The following NEBL variants were observed in gnomAD, a reference collection of about 807,000 sequenced individuals.
NEBL encodes the protein LIM and SH3 protein 2.
Under a neutral mutation model 140.2 loss-of-function variants are expected in NEBL, and 122 were observed. That is an observed-to-expected ratio of 0.87 (90% CI 0.75 to 1.01). The LOEUF is 1.01. Among genes scored for constraint, NEBL ranks in the 50% least tolerant of loss-of-function variants. NEBL has a pLI of 0.00. For synonymous variants in NEBL, 436 were observed against 398.9 expected (o/e 1.09, Z -1.11); for missense variants, 1,365 against 1,231.3 (o/e 1.11, Z -1.62).
intron 2 of NEBL, among the ~76,000 whole-genome samples, chr10:21,154,189 T>G (rs1589291193): frequency 6.6e-6 from 1 of 152,044 alleles, no homozygotes; most frequent in African/African-American, 2.4e-5. Context: ...CTGGGCACAG[T>G]GGCTCACATC....
intron 26 of NEBL, among the ~76,000 whole-genome samples, chr10:20,789,912 T>C (rs1163861186): frequency 6.7e-6 from 1 of 148,568 alleles, no homozygotes; most frequent in East Asian, 2.1e-4. Context: ...GATATATGTA[T>C]ATATATATGT....
intron 4 of NEBL, among the ~76,000 whole-genome samples, chr10:20,920,908 T>C (rs1833550882): frequency 1.3e-5 from 2 of 152,332 alleles, no homozygotes; most frequent in South Asian, 4.1e-4. Flanking sequence ...CTAAATTTGA[T>C]GTATGATTAG....
At chr10:20,864,893 C>G (rs113627047) in intron 7 of NEBL, among the ~76,000 whole-genome samples, 2,415 of 152,118 alleles carry the variant, frequency 0.016, 59 homozygotes, top group African/African-American at 0.055. Flanking sequence ...GAGTTTTATA[C>G]AGCTTATAAA....
At position 20,782,977 on chromosome 10, in the gene NEBL, T is replaced by A. The variant is rs1835126445; in HGVS notation, c.*2770A>T. On this transcript the variant is annotated 3_prime_UTR_variant, in exon 28 of 28. Coordinates refer to ENST00000377122, the MANE Select transcript of NEBL (RefSeq NM_006393.3). ...TAAAAGTGTATCAAACTGTTCCTTGTGCTTCTGTCAGGCTTGAGAACACAT... is the reference window on the plus strand; with the variant it reads ...TAAAAGTGTATCAAACTGTTCCTTGAGCTTCTGTCAGGCTTGAGAACACAT... The A allele has an allele frequency of 3.3e-5, 5 of 152,668 alleles. No homozygotes were observed. The highest frequency in any genetic ancestry group is 2.6e-4 in the Admixed American group (4 of 15,270). 9.5% of individuals were successfully genotyped at this position (152,668 alleles called of 1,614,324 possible). A position where few individuals can be genotyped will look rare whatever the true frequency, so the allele number is the denominator to read the frequency against.
At chr10:21,096,394 C>A (rs1404428984) in intron 2 of NEBL, among the ~76,000 whole-genome samples, 1 of 151,766 alleles carries the variant, frequency 6.6e-6, no homozygotes, top group Admixed American at 6.6e-5. Context: ...CTTAGATTAG[C>A]CTGAAGAAGT....
intron 2 of NEBL, among the ~76,000 whole-genome samples, chr10:21,169,067 A>AAAAAAAAATAT (rs1554830679): frequency 1.7e-4 from 4 of 23,070 alleles, no homozygotes; most frequent in Non-Finnish European, 3.5e-4. Context: ...AAAAAAAAAA[A>AAAAAAAAATAT]ATATATATAT....
intron 2 of NEBL, among the ~76,000 whole-genome samples, chr10:21,075,658 A>G (rs1836031122): frequency 6.6e-6 from 1 of 151,950 alleles, no homozygotes; most frequent in Non-Finnish European, 1.5e-5. Context: ...ATTTTCCTCA[A>G]CTCTTAGCTT....
intron 2 of NEBL, among the ~76,000 whole-genome samples, chr10:21,062,385 G>GT (rs1221306774): frequency 2.0e-5 from 3 of 152,138 alleles, no homozygotes; most frequent in Non-Finnish European, 4.4e-5. Flanking sequence ...TTCCTGGCTG[G>GT]TGTAGTGGCT....
In NEBL at chr10:20,828,611, C is replaced by T; in HGVS notation, c.1695G>A (p.Glu565=). The T allele has an allele frequency of 6.3e-7, 1 of 1,582,756 alleles. No individual in the cohort carries two copies. Among genetic ancestry groups the T allele is most frequent in the East Asian group, 2.2e-5 (1 of 44,594 alleles). The change falls in exon 17 of 28, where the codon GAG becomes GAA. Residue 565 remains glutamate, a synonymous_variant. Coordinates refer to ENST00000377122, the MANE Select transcript of NEBL (RefSeq NM_006393.3). The stretch of plus-strand genomic sequence containing the variant: ...TGGTAGAATAGTTAGAAAGCATCTT[C>T]TCTGCTTCATCTTTATACTTTCTCT... The part of the protein sequence containing the change: ...YSQRKYKDEA[E]KMLSNYSTIA...
chr10:21,264,186 T>C (rs1842772183), intron 1 of NEBL, among the ~76,000 whole-genome samples: 1 of 152,212 alleles, frequency 6.6e-6, no homozygotes, highest in Admixed American at 6.5e-5. Flanking sequence ...CACTTCACAC[T>C]GTGTCCCCAG....
chr10:20,795,303 T>G (rs1414409379), intron 26 of NEBL, among the ~76,000 whole-genome samples: 1 of 152,168 alleles, frequency 6.6e-6, no homozygotes, highest in Non-Finnish European at 1.5e-5. Flanking sequence ...CTTGTTAGGC[T>G]CATAGAGGTT....
At chr10:20,827,063 T>C (rs958359310) in intron 17 of NEBL, among the ~76,000 whole-genome samples, 3 of 152,136 alleles carry the variant, frequency 2.0e-5, no homozygotes, top group Non-Finnish European at 4.4e-5. Context: ...GTTAACCCTC[T>C]CCCATGTGTC....
intron 2 of NEBL, among the ~76,000 whole-genome samples, chr10:21,045,979 G>A (rs1455141525): frequency 2.0e-5 from 3 of 148,280 alleles, no homozygotes; most frequent in South Asian, 2.2e-4. Flanking sequence ...AGTGCCCGTC[G>A]GCAGATGAAT....
At chr10:21,004,513 G>A (rs958489668) in intron 3 of NEBL, among the ~76,000 whole-genome samples, 2 of 152,156 alleles carry the variant, frequency 1.3e-5, no homozygotes, top group Non-Finnish European at 2.9e-5. Flanking sequence ...GAGGTCAGGA[G>A]ATCGAGACCA....
intron 2 of NEBL, among the ~76,000 whole-genome samples, chr10:21,140,346 A>T (rs906578276): frequency 3.3e-5 from 5 of 152,214 alleles, no homozygotes; most frequent in African/African-American, 1.2e-4. Flanking sequence ...TATACATTTC[A>T]TTTTTAATTT....
chr10:21,098,515 T>C (rs996366338), intron 2 of NEBL, among the ~76,000 whole-genome samples: 1 of 152,220 alleles, frequency 6.6e-6, no homozygotes. Context: ...TGACTTGTTC[T>C]ACCTCCCTTA....
chr10:21,235,456 A>G (rs1248200898), intron 3 of NEBL, among the ~76,000 whole-genome samples: 1 of 152,152 alleles, frequency 6.6e-6, no homozygotes, highest in Admixed American at 6.5e-5. Context: ...CTGGGACTAC[A>G]GGTGCCTGAG....
rs1001767826 is a variant in NEBL, at chr10:20,831,488, G to A, written c.1545C>T (p.Ser515=). ...GCTGTCTTACCTGGCTGGCCATCTCGGATGCTTTCTTAGCTCTCTGGACAT... is the reference window on the plus strand; with the variant it reads ...GCTGTCTTACCTGGCTGGCCATCTCAGATGCTTTCTTAGCTCTCTGGACAT... The part of the protein sequence containing the change: ...TLDVQRAKKA[S]EMASQKQYKK... Residue 515 remains serine, a synonymous_variant, in exon 15 of 28, where the codon TCC becomes TCT. Transcript: ENST00000377122. 27 of 1,609,090 alleles carry A rather than the reference G, an allele frequency of 1.7e-5. No homozygotes were observed. The highest frequency in any genetic ancestry group is 2.7e-5 in the African/African-American group (2 of 74,202).
At chr10:21,110,128 C>G (rs527684501) in intron 2 of NEBL, among the ~76,000 whole-genome samples, 1 of 152,038 alleles carries the variant, frequency 6.6e-6, no homozygotes, top group African/African-American at 2.4e-5. Flanking sequence ...CCTGTTTTCT[C>G]CTGTGGACAA....
Sources: gnomAD v4.1 joint callset for allele counts (sites outside exome capture counted in the v4.1 genomes callset) on GRCh38, gnomAD v4.1.1 for gene constraint, MANE v1.5 for transcripts, NCBI Gene and HGNC (gene_info 2026-07-23, HGNC 2026-07-21) for gene names.